The following RYR2 variants were observed in gnomAD, a reference collection of about 807,000 sequenced individuals.
RYR2 encodes the protein cardiac muscle ryanodine receptor-calcium release channel.
RYR2 carries 227 observed loss-of-function variants against 601.1 expected under a neutral mutation model. The observed-to-expected ratio is 0.38, with a 90% CI of 0.34 to 0.42. The LOEUF is 0.42. RYR2 is among the 10% of genes least tolerant of loss of function. The pLI is 1.00. For synonymous variants in RYR2, 2,223 were observed against 2,175.1 expected (o/e 1.02, Z -0.61); for missense variants, 4,646 against 6,156.5 (o/e 0.75, Z 8.21).
At position 237,270,632 on chromosome 1, in the gene RYR2, T is replaced by G; in HGVS notation, c.168+16T>G. ...CAATTCCAAGGTGGGATGAAGTCTTTCAAGGCTATTCAAATATGCAAGTTT... is the reference window on the plus strand; with the variant it reads ...CAATTCCAAGGTGGGATGAAGTCTTGCAAGGCTATTCAAATATGCAAGTTT... On this transcript the variant is annotated intron_variant, in intron 2 of 104. Transcript: ENST00000366574. 6.4e-7 allele frequency: 1 copy of G among 1,560,620 alleles called. No individual in the cohort carries two copies. The highest frequency in any genetic ancestry group is 8.7e-7 in the Non-Finnish European group (1 of 1,151,376).
At chr1:237,109,511 C>T (rs1178239007) in intron 1 of RYR2, among the ~76,000 whole-genome samples, 1 of 152,006 alleles carries the variant, frequency 6.6e-6, no homozygotes, top group African/African-American at 2.4e-5. Context: ...TCCCTAAAAC[C>T]ACCAACACAT....
At chr1:237,666,725 A>G in intron 57 of RYR2, 136 bp downstream of exon 57, 1 of 695,224 alleles carries the variant, frequency 1.4e-6, no homozygotes, top group Non-Finnish European at 2.4e-6. Context: ...GAATTTATAG[A>G]TTATATACTC....
chr1:237,567,979 C>T (rs1012806496), intron 28 of RYR2, among the ~76,000 whole-genome samples: 8 of 144,356 alleles, frequency 5.5e-5, no homozygotes, highest in Admixed American at 1.5e-4. Context: ...GGTTGGGGGG[C>T]GGTCAAAATT....
At chr1:237,689,428 A>T (rs1464519055) in intron 63 of RYR2, among the ~76,000 whole-genome samples, 1 of 152,096 alleles carries the variant, frequency 6.6e-6, no homozygotes, top group African/African-American at 2.4e-5. Flanking sequence ...CTATATGTAG[A>T]CTCCATTCTA....
At chr1:237,058,559 C>T (rs1472028950) in intron 1 of RYR2, among the ~76,000 whole-genome samples, 1 of 152,216 alleles carries the variant, frequency 6.6e-6, no homozygotes, top group Non-Finnish European at 1.5e-5. Flanking sequence ...CACTTAACAA[C>T]AGAGCATATA....
chr1:237,214,168 A>G, intron 1 of RYR2, among the ~76,000 whole-genome samples: 1 of 151,190 alleles, frequency 6.6e-6, no homozygotes, highest in Non-Finnish European at 1.5e-5. Flanking sequence ...TGATCCACCC[A>G]CCTAGGCCTT....
intron 8 of RYR2, among the ~76,000 whole-genome samples, 170 bp from the exon 9 acceptor site, chr1:237,387,111 G>A (rs1471686383): frequency 1.3e-5 from 2 of 152,190 alleles, no homozygotes; most frequent in Admixed American, 6.5e-5. Context: ...AATTCAGAGA[G>A]GAACTTCTTT....
Position 237,732,032 on chromosome 1 carries a change from T to A in RYR2, c.10936-14T>A, listed in dbSNP as rs149892933. On this transcript the variant is annotated splice_polypyrimidine_tract_variant and intron_variant, in intron 77 of 104. Coordinates refer to ENST00000366574, the MANE Select transcript of RYR2 (RefSeq NM_001035.3). The stretch of plus-strand genomic sequence containing the variant: ...TTTTTAATGTGACATTTTATAAATT[T>A]GACTTTTTTGCAGAAACCTGGGGCT... 1.3e-6 allele frequency: 2 copies of A among 1,559,552 alleles called. No individual in the cohort carries two copies. Among genetic ancestry groups the A allele is most frequent in the Admixed American group, 3.6e-5 (2 of 56,206 alleles).
At position 237,625,694 on chromosome 1, in the gene RYR2, G is replaced by A. The variant is rs776327537; in HGVS notation, c.6056G>A (p.Gly2019Glu). ...IELDEDGSLD[G>E]NSDLTIRGRL... The stretch of plus-strand genomic sequence containing the variant: ...CTGGATGAAGATGGGTCTCTGGATG[G>A]AAACAGTGATTTAACAATTAGAGGG... Residue 2019 changes from glycine to glutamate, a missense_variant, in exon 40 of 105, where the codon GGA (glycine) becomes GAA (glutamate). Gly to Glu is a moderately conservative substitution (Grantham distance 98). This residue lies in a region of RYR2 where 170 missense variants were observed against 184.5 expected (regional missense o/e 0.92). Coordinates refer to ENST00000366574, the MANE Select transcript of RYR2 (RefSeq NM_001035.3). The A allele has an allele frequency of 6.2e-7, 1 of 1,613,632 alleles. No individual in the cohort carries two copies. The highest frequency in any genetic ancestry group is 2.2e-5 in the East Asian group (1 of 44,860).
chr1:237,409,614 A>T (rs115422133), intron 10 of RYR2, among the ~76,000 whole-genome samples: 6,304 of 152,200 alleles, frequency 0.041, 204 homozygotes, highest in Non-Finnish European at 0.068. Flanking sequence ...TATTTTGTTT[A>T]GATTATGAAA....
At chr1:237,563,797 A>G (rs1266860312) in intron 27 of RYR2, among the ~76,000 whole-genome samples, 2 of 152,134 alleles carry the variant, frequency 1.3e-5, no homozygotes, top group Non-Finnish European at 2.9e-5. Flanking sequence ...CTAATATTAA[A>G]ATTAGTTTGC....
At position 237,546,560 on chromosome 1, in the gene RYR2, T is replaced by C. The variant is rs140227455; in HGVS notation, c.2907-1871T>C. Among the ~76,000 whole-genome samples the C allele has an allele frequency of 2.7e-3, 406 of 152,136 alleles. 10 individuals are homozygous for C. The highest frequency in any genetic ancestry group is 0.024 in the Admixed American group (368 of 15,276). ...GCCCAGCTAATTGTTTTGTATTTTT[T>C]AGTAGAGATGGGGTTTTGCCATATC... On this transcript the variant is annotated intron_variant, in intron 25 of 104. Transcript: ENST00000366574.
chr1:237,211,333 G>T (rs1196955483), intron 1 of RYR2, among the ~76,000 whole-genome samples: 1 of 152,192 alleles, frequency 6.6e-6, no homozygotes, highest in Non-Finnish European at 1.5e-5. Context: ...TGCAGTGATG[G>T]TACAGAGGCT....
Position 237,757,705 on chromosome 1 carries a change from G to A in RYR2, c.11254G>A (p.Gly3752Arg). The change falls in exon 82 of 105, where the codon GGA becomes AGA. Residue 3752 changes from glycine (G) to arginine (R), a missense_variant. By Grantham distance (125) the Gly-to-Arg change is moderately radical. Around this residue, in one of 17 missense-constraint regions of RYR2, gnomAD observed 1,497 missense variants for 1,842.6 expected, o/e 0.81. Transcript: ENST00000366574. ...TTTTTTATATTTCTTAGGTGAAACT[G>A]GACCAATGGTAGCAGCTACTCTGAA... is the stretch of plus-strand genomic sequence containing the variant. ...QTISASKGETGPMVAATLKLG... is the reference protein window; with the variant it reads ...QTISASKGETRPMVAATLKLG... 6.2e-7 allele frequency: 1 copy of A among 1,607,156 alleles called. No homozygotes were observed. The highest frequency in any genetic ancestry group is 1.1e-5 in the South Asian group (1 of 90,938).
At chr1:237,424,820 A>G (rs1301492629) in intron 12 of RYR2, among the ~76,000 whole-genome samples, 2 of 152,208 alleles carry the variant, frequency 1.3e-5, no homozygotes, top group African/African-American at 2.4e-5. Context: ...CAGCATAAAC[A>G]TAAATATTTA....
chr1:237,254,694 T>C (rs1687778438), intron 1 of RYR2, among the ~76,000 whole-genome samples: 1 of 152,226 alleles, frequency 6.6e-6, no homozygotes, highest in African/African-American at 2.4e-5. Flanking sequence ...TATTTATACT[T>C]ACACATGGGT....
chr1:237,136,816 G>A (rs999428044), intron 1 of RYR2, among the ~76,000 whole-genome samples: 1 of 152,050 alleles, frequency 6.6e-6, no homozygotes, highest in African/African-American at 2.4e-5. Context: ...AGGAGTTCAA[G>A]ACCAGCCTGG....
At chr1:237,788,256 CAT>C in intron 92 of RYR2, 121 bp downstream of exon 92, 1 of 709,568 alleles carries the variant, frequency 1.4e-6, no homozygotes, top group Non-Finnish European at 2.3e-6. Flanking sequence ...TAGTCCAGCA[CAT>C]GTTTGATTTG....
chr1:237,127,892 C>A (rs1288878687), intron 1 of RYR2, among the ~76,000 whole-genome samples: 1 of 151,806 alleles, frequency 6.6e-6, no homozygotes, highest in Non-Finnish European at 1.5e-5. Context: ...ACGCTCCTCA[C>A]TTTCCAGACT....
Sources: gnomAD v4.1 joint callset for allele counts (sites outside exome capture counted in the v4.1 genomes callset) on GRCh38, gnomAD v4.1.1 for gene constraint, gnomAD v4.1.1 regional missense constraint, MANE v1.5 for transcripts, NCBI Gene and HGNC (gene_info 2026-07-23, HGNC 2026-07-21) for gene names.